ACSBG1: variants seen among roughly 807,000 people sequenced by gnomAD.
ACSBG1 encodes the protein acyl-CoA synthetase bubblegum family member 1, also known as long-chain-fatty-acid--CoA ligase ACSBG1.
Under a neutral mutation model 80.2 loss-of-function variants are expected in ACSBG1, and 39 were observed. The observed-to-expected ratio is 0.49, with a 90% CI of 0.38 to 0.64. The LOEUF (loss-of-function observed/expected upper bound fraction) is 0.64, where lower values mean the gene tolerates loss of function less well. Ranked by LOEUF, ACSBG1 falls within the 30% of genes least tolerant of loss-of-function variation. The pLI, the probability that ACSBG1 is intolerant of heterozygous loss-of-function variation, is 0.00. For synonymous variants in ACSBG1, 392 were observed against 379.5 expected, an observed-to-expected ratio of 1.03 and a Z score of -0.38; for missense variants, 828 against 966.4, an observed-to-expected ratio of 0.86 and a Z score of 1.90.
At chr15:78,179,446 C>T in intron 10 of ACSBG1, 104 bp downstream of exon 10, 1 of 1,093,234 alleles carries the variant, frequency 9.1e-7, no homozygotes, top group South Asian at 1.5e-5. Context: ...TGGGACCCAA[C>T]TGGCATGCAA....
In ACSBG1 at chr15:78,218,965, C is replaced by T. The variant is rs181775241; in HGVS notation, c.132-10863G>A. Among the ~76,000 whole-genome samples, 3 of 152,116 alleles carry T rather than the reference C, an allele frequency of 2.0e-5. No individual in the cohort carries two copies. The East Asian group carries it at 5.8e-4, about 30-fold the overall frequency. On this transcript the variant is annotated intron_variant, in intron 1 of 13. Transcript: ENST00000258873. ...TAGCTGGGATCACAGGCGCCCACCA[C>T]CATGCCTGGCTAATTTTTGTATTTT...
At chr15:78,197,825 G>C (rs1207645438) in intron 2 of ACSBG1, among the ~76,000 whole-genome samples, 1 of 150,934 alleles carries the variant, frequency 6.6e-6, no homozygotes, top group African/African-American at 2.4e-5. Context: ...GCATCCAGTT[G>C]CCTCTCAGTG....
In ACSBG1 at chr15:78,179,800, G is replaced by C. The variant is rs1205122771; in HGVS notation, c.1254-20C>G. The C allele has an allele frequency of 2.0e-6, 3 of 1,534,668 alleles. No individual in the cohort carries two copies. Among genetic ancestry groups the C allele is most frequent in the Non-Finnish European group, 2.7e-6 (3 of 1,114,058 alleles). On this transcript the variant is annotated intron_variant, in intron 9 of 13. Transcript: ENST00000258873. ...AGGTCGCTGGTGGGAGAGGGAGAATGGTTCACAGAAGAAATCACACACACA... is the reference window on the plus strand; with the variant it reads ...AGGTCGCTGGTGGGAGAGGGAGAATCGTTCACAGAAGAAATCACACACACA...
intron 1 of ACSBG1, among the ~76,000 whole-genome samples, chr15:78,214,167 C>G (rs148245645): frequency 2.8e-4 from 42 of 152,352 alleles, no homozygotes; most frequent in Admixed American, 3.3e-4. Flanking sequence ...CTACCTCCTC[C>G]TTCACTACAG....
At chr15:78,218,443 G>C (rs951823602) in intron 1 of ACSBG1, among the ~76,000 whole-genome samples, 1 of 152,176 alleles carries the variant, frequency 6.6e-6, no homozygotes, top group Non-Finnish European at 1.5e-5. Context: ...GCCTGTACAC[G>C]TGAGAGGCAG....
intron 1 of ACSBG1, 83 bp downstream of exon 1, chr15:78,234,288 A>C: frequency 6.5e-7 from 1 of 1,532,406 alleles, no homozygotes; most frequent in Non-Finnish European, 8.8e-7. Context: ...AGAGAGAAGC[A>C]GCTTGCCCAA....
chr15:78,203,735 C>T (rs546906467), intron 2 of ACSBG1, among the ~76,000 whole-genome samples: 5 of 152,200 alleles, frequency 3.3e-5, no homozygotes, highest in African/African-American at 7.2e-5. Flanking sequence ...GGCTGTTTTC[C>T]GTGGTCTGTG....
rs767787287 is a variant in ACSBG1 at position 78,178,645 on chromosome 15, A to T, written c.1671T>A (p.Asp557Glu). 1 of 1,613,470 alleles carries T rather than the reference A, an allele frequency of 6.2e-7. No individual in the cohort carries two copies. The highest frequency in any genetic ancestry group is 1.3e-5 in the African/African-American group (1 of 74,934). The change falls in exon 11 of 14, where the codon GAT becomes GAA. Residue 557 changes from aspartate (D) to glutamate (E), a missense_variant. Physicochemically the swap from Asp to Glu is conservative, Grantham distance 45. Transcript: ENST00000258873. This position sits in a 1 kb window ranked among gnomAD's most constrained non-coding sequence, Gnocchi z 4.3. ...HTGDAGRLDA[D>E]GFLYITGRLK... The stretch of plus-strand genomic sequence containing the variant: ...GGCGCCCAGTGATGTAGAGGAAGCC[A>T]TCGGCGTCCAGGCGGCCAGCATCAC...
At chr15:78,205,569 A>G (rs2141364250) in intron 2 of ACSBG1, among the ~76,000 whole-genome samples, 1 of 152,252 alleles carries the variant, frequency 6.6e-6, no homozygotes, top group East Asian at 1.9e-4. Flanking sequence ...ACTCTGAGAA[A>G]ATCACTAACC....
chr15:78,194,893 G>T (rs1028431982), intron 2 of ACSBG1, among the ~76,000 whole-genome samples, 167 bp from the exon 3 acceptor site: 1 of 152,266 alleles, frequency 6.6e-6, no homozygotes, highest in Non-Finnish European at 1.5e-5. Context: ...CTGGGAGACC[G>T]CCTAGAGGAG....
intron 5 of ACSBG1, among the ~76,000 whole-genome samples, chr15:78,184,817 G>A (rs1025151532): frequency 6.6e-6 from 1 of 152,208 alleles, no homozygotes; most frequent in African/African-American, 2.4e-5. Context: ...CTGGCGCCCA[G>A]GGCCCCAGTG....
chr15:78,219,772 C>G (rs1377514216), intron 1 of ACSBG1, among the ~76,000 whole-genome samples: 1 of 152,124 alleles, frequency 6.6e-6, no homozygotes, highest in Non-Finnish European at 1.5e-5. Context: ...ATCACAAGGT[C>G]AGGAGATCAA....
Position 78,174,478 on chromosome 15 carries a change from G to A in ACSBG1, c.1749C>T (p.Ile583=), listed in dbSNP as rs556850320. The change falls in exon 12 of 14, where the codon ATC becomes ATT. Residue 583 remains isoleucine, a synonymous_variant. Coordinates refer to ENST00000258873, the MANE Select transcript of ACSBG1 (RefSeq NM_015162.5). ...AGGENVPPVP[I]EEAVKMELPI... is the part of the protein sequence containing the mutation. ...GCAGCTCCATCTTCACGGCCTCCTC[G>A]ATGGGCACAGGGGGCACATTCTCCC... is the stretch of plus-strand genomic sequence containing the variant. 16 of 1,614,170 alleles carry A rather than the reference G, an allele frequency of 9.9e-6. No homozygotes were observed. The highest frequency in any genetic ancestry group is 8.0e-5 in the African/African-American group (6 of 75,030).
At chr15:78,176,712 C>G (rs2074886281) in intron 11 of ACSBG1, among the ~76,000 whole-genome samples, 1 of 152,108 alleles carries the variant, frequency 6.6e-6, no homozygotes, top group African/African-American at 2.4e-5. Flanking sequence ...ATGGCTTGAG[C>G]TCAGGAGCTC....
At chr15:78,216,125 A>G (rs528902556) in intron 1 of ACSBG1, among the ~76,000 whole-genome samples, 2 of 152,300 alleles carry the variant, frequency 1.3e-5, no homozygotes, top group African/African-American at 2.4e-5. Context: ...CCTCATTCCC[A>G]AAGTTGGAAT....
chr15:78,220,790 T>C lies in ACSBG1; in HGVS notation c.132-12688A>G, dbSNP rs540975424. Among the ~76,000 whole-genome samples the C allele has an allele frequency of 1.8e-4, 28 of 152,330 alleles. No homozygotes were observed. The South Asian group carries it at 5.2e-3, about 28-fold the overall frequency. On this transcript the variant is annotated intron_variant, in intron 1 of 13. Coordinates refer to ENST00000258873, the MANE Select transcript of ACSBG1 (RefSeq NM_015162.5). ...AGATAGCACTTCATGCCTGGTAGGA[T>C]GGCTATAAATAAGAAAATAAGAACA...
At chr15:78,198,504 G>A (rs570735907) in intron 2 of ACSBG1, among the ~76,000 whole-genome samples, 4 of 151,940 alleles carry the variant, frequency 2.6e-5, no homozygotes, top group African/African-American at 9.7e-5. Flanking sequence ...CCGCCACCAT[G>A]CCTGGCTAAT....
intron 1 of ACSBG1, among the ~76,000 whole-genome samples, chr15:78,231,074 C>T (rs188765863): frequency 1.3e-5 from 2 of 152,316 alleles, no homozygotes; most frequent in East Asian, 3.9e-4. Context: ...CCACGTCAGC[C>T]TTCTGAGTAG....
chr15:78,171,333 C>A lies in ACSBG1; in HGVS notation c.*111G>T. The A allele has an allele frequency of 1.2e-6, 1 of 820,864 alleles. No homozygotes were observed. Among genetic ancestry groups the A allele is most frequent in the South Asian group, 1.7e-5 (1 of 59,442 alleles). The allele number at this position is 820,864 out of a possible 1,614,324, so 50.8% of individuals were successfully genotyped here. On this transcript the variant is annotated 3_prime_UTR_variant, in exon 14 of 14. Coordinates refer to ENST00000258873, the MANE Select transcript of ACSBG1 (RefSeq NM_015162.5). ...CAGTGCTGTGCCCTGACCTGGAGATCTAACAGACTTGGCAGAAATGCCTGT... is the reference window on the plus strand; with the variant it reads ...CAGTGCTGTGCCCTGACCTGGAGATATAACAGACTTGGCAGAAATGCCTGT...
Sources: gnomAD v4.1 joint callset for allele counts (sites outside exome capture counted in the v4.1 genomes callset) on GRCh38, gnomAD v4.1.1 for gene constraint, Gnocchi (gnomAD v3.1) non-coding constraint, MANE v1.5 for transcripts, NCBI Gene and HGNC (gene_info 2026-07-23, HGNC 2026-07-21) for gene names.